The following GPATCH2 variants were observed in gnomAD, a reference collection of about 807,000 sequenced individuals.
GPATCH2 encodes G-patch domain containing 2.
Under a neutral mutation model 58.0 loss-of-function variants are expected in GPATCH2, and 51 were observed. The ratio of observed to expected loss-of-function variants is 0.88; its 90% CI spans 0.70 to 1.11. The LOEUF is 1.11. GPATCH2 is among the 50% of genes most tolerant of loss of function. The pLI, the probability that GPATCH2 is intolerant of heterozygous loss-of-function variation, is 0.00. For synonymous variants in GPATCH2, 222 were observed against 218.5 expected, an observed-to-expected ratio of 1.02 and a Z score of -0.14; for missense variants, 625 against 652.2, an observed-to-expected ratio of 0.96 and a Z score of 0.45.
In GPATCH2 at chr1:217,454,502, T is replaced by A. The variant is rs536758657; in HGVS notation, c.1278-5165A>T. 9.3e-5 allele frequency among the ~76,000 whole-genome samples: 12 copies of A among 129,114 alleles called. No individual in the cohort carries two copies. In the South Asian group the frequency reaches 3.2e-3, roughly 34 times the overall value. 84.7% of individuals were successfully genotyped at this position (129,114 alleles called of 152,430 possible). A position where few individuals can be genotyped will look rare whatever the true frequency, so the allele number is the denominator to read the frequency against. ...TACTCGGGAGGCTGAGGCAGGAGAA[T>A]GGCGTGAACCCGGAAGGCAGAGCTT... On this transcript the variant is annotated intron_variant, in intron 8 of 9. Transcript: ENST00000366935.
At chr1:217,465,789 C>A (rs534087886) in intron 8 of GPATCH2, among the ~76,000 whole-genome samples, 1 of 152,222 alleles carries the variant, frequency 6.6e-6, no homozygotes, top group Admixed American at 6.5e-5. Flanking sequence ...ATATATAAAA[C>A]AATAACAACT....
intron 5 of GPATCH2, among the ~76,000 whole-genome samples, chr1:217,592,380 A>T (rs1667633104): frequency 6.6e-6 from 1 of 151,992 alleles, no homozygotes; most frequent in South Asian, 2.1e-4. Context: ...TTGGTGGGAA[A>T]GTAGATGGCT....
intron 5 of GPATCH2, among the ~76,000 whole-genome samples, chr1:217,569,912 T>C (rs1163277459): frequency 6.6e-6 from 1 of 152,102 alleles, no homozygotes; most frequent in Non-Finnish European, 1.5e-5. Context: ...TTGGCAATGT[T>C]TGAAGCCAGA....
At position 217,619,998 on chromosome 1, in the gene GPATCH2, C is replaced by A; in HGVS notation, c.558G>T (p.Glu186Asp). 6.2e-7 allele frequency: 1 copy of A among 1,613,990 alleles called. No homozygotes were observed. Among genetic ancestry groups the A allele is most frequent in the Non-Finnish European group, 8.5e-7 (1 of 1,179,928 alleles). Reference sequence around the variant, plus strand: ...TGTCCATGTCCTGATCTCTACAACCCTCAGGTGGCTGGGTCATTGTCCGTT... The same window carrying A: ...TGTCCATGTCCTGATCTCTACAACCATCAGGTGGCTGGGTCATTGTCCGTT... The part of the protein sequence containing the change: ...SNKRTMTQPP[E>D]GCRDQDMDSD... Residue 186 changes from glutamate to aspartate, a missense_variant, in exon 2 of 10, where the codon GAG becomes GAT. Glu to Asp is a conservative substitution (Grantham distance 45). Transcript: ENST00000366935.
At chr1:217,628,479 A>G (rs981624964) in intron 1 of GPATCH2, among the ~76,000 whole-genome samples, 7 of 151,952 alleles carry the variant, frequency 4.6e-5, no homozygotes, top group Non-Finnish European at 8.8e-5. Context: ...CCTGACTCAA[A>G]CCTGCCAGTA....
intron 8 of GPATCH2, among the ~76,000 whole-genome samples, chr1:217,464,707 A>C (rs1241288145): frequency 6.6e-6 from 1 of 152,222 alleles, no homozygotes; most frequent in Non-Finnish European, 1.5e-5. Flanking sequence ...CAAGAGGCAG[A>C]TATTGGAAAA....
intron 8 of GPATCH2, among the ~76,000 whole-genome samples, chr1:217,460,972 G>C (rs1660173326): frequency 6.6e-6 from 1 of 152,164 alleles, no homozygotes; most frequent in South Asian, 2.1e-4. Flanking sequence ...ATTCAGCTTT[G>C]ATTTTCTGCA....
intron 5 of GPATCH2, among the ~76,000 whole-genome samples, chr1:217,533,089 TG>T (rs201053115): frequency 0.011 from 1,635 of 150,626 alleles, 39 homozygotes; most frequent in African/African-American, 0.038. Context: ...TTTTTAGAGA[TG>T]GGGAGATGGG....
chr1:217,466,523 C>A (rs1426459321), intron 8 of GPATCH2, among the ~76,000 whole-genome samples: 1 of 151,864 alleles, frequency 6.6e-6, no homozygotes, highest in East Asian at 1.9e-4. Flanking sequence ...CCATGCCTGG[C>A]TAAAAATGGA....
chr1:217,484,421 C>T (rs1661352890), intron 8 of GPATCH2, among the ~76,000 whole-genome samples: 1 of 122,630 alleles, frequency 8.2e-6, no homozygotes, highest in Non-Finnish European at 1.8e-5. Context: ...GGTTCTCAGG[C>T]CCTCAGACTC....
intron 5 of GPATCH2, among the ~76,000 whole-genome samples, chr1:217,597,495 A>G (rs923035514): frequency 6.6e-6 from 1 of 152,106 alleles, no homozygotes; most frequent in African/African-American, 2.4e-5. Context: ...AAGTTCACAA[A>G]TTGGAGGCTC....
intron 8 of GPATCH2, among the ~76,000 whole-genome samples, chr1:217,481,576 G>T (rs931399267): frequency 6.6e-6 from 1 of 152,158 alleles, no homozygotes; most frequent in Admixed American, 6.5e-5. Flanking sequence ...AAGTGCCTAA[G>T]GCCAGGTGCA....
At chr1:217,623,576 G>T (rs1354532179) in intron 1 of GPATCH2, among the ~76,000 whole-genome samples, 1 of 151,972 alleles carries the variant, frequency 6.6e-6, no homozygotes, top group African/African-American at 2.4e-5. Flanking sequence ...AGCCTTATTT[G>T]ACTTTATGTT....
chr1:217,601,853 T>A (rs1668121128), intron 5 of GPATCH2, among the ~76,000 whole-genome samples: 1 of 152,196 alleles, frequency 6.6e-6, no homozygotes, highest in South Asian at 2.1e-4. Context: ...TTTTTATTCA[T>A]TAAAATGTAA....
intron 9 of GPATCH2, among the ~76,000 whole-genome samples, chr1:217,433,877 A>G (rs1003100762): frequency 2.6e-5 from 4 of 152,246 alleles, no homozygotes; most frequent in Admixed American, 1.3e-4. Flanking sequence ...GAACAAGGAA[A>G]GCCACAAAGT....
intron 8 of GPATCH2, among the ~76,000 whole-genome samples, chr1:217,458,157 G>C (rs981755414): frequency 6.6e-6 from 1 of 152,204 alleles, no homozygotes. Context: ...GTGAACCCGG[G>C]AGGCGGAGCT....
chr1:217,485,486 A>C (rs573842359), intron 8 of GPATCH2, among the ~76,000 whole-genome samples: 1 of 151,024 alleles, frequency 6.6e-6, no homozygotes, highest in African/African-American at 2.4e-5. Flanking sequence ...GCAAATGACA[A>C]TATACTTGAT....
intron 8 of GPATCH2, among the ~76,000 whole-genome samples, chr1:217,473,687 T>C (rs932401116): frequency 2.0e-5 from 3 of 148,422 alleles, no homozygotes; most frequent in African/African-American, 7.4e-5. Context: ...CAAACAGAAG[T>C]GTAGAGGGAC....
intron 8 of GPATCH2, among the ~76,000 whole-genome samples, chr1:217,455,350 A>G (rs1659892335): frequency 6.6e-6 from 1 of 152,108 alleles, no homozygotes; most frequent in African/African-American, 2.4e-5. Flanking sequence ...TCCAAGCATC[A>G]GCTGCCCCTG....
Sources: gnomAD v4.1 joint callset for allele counts (sites outside exome capture counted in the v4.1 genomes callset) on GRCh38, gnomAD v4.1.1 for gene constraint, MANE v1.5 for transcripts, NCBI Gene and HGNC (gene_info 2026-07-23, HGNC 2026-07-21) for gene names.